PCDHA3: variants seen among roughly 807,000 people sequenced by gnomAD.
PCDHA3 encodes the protein protocadherin alpha 3, also known as protocadherin alpha-3.
A neutral mutation model predicts 62.2 loss-of-function variants in PCDHA3; 41 were observed. The observed-to-expected ratio is 0.66, with a 90% confidence interval of 0.51 to 0.86. PCDHA3 has a LOEUF of 0.86. PCDHA3 is among the 40% of genes least tolerant of loss of function. The pLI is 0.00. For synonymous variants in PCDHA3, 640 were observed against 555.4 expected (o/e 1.15, Z -2.14); for missense variants, 1,304 against 1,241.2 (o/e 1.05, Z -0.76).
At chr5:140,973,782 C>CT (rs1461331270) in intron 1 of PCDHA3, among the ~76,000 whole-genome samples, 7 of 152,208 alleles carry the variant, frequency 4.6e-5, no homozygotes, top group African/African-American at 1.7e-4. Flanking sequence ...TATAGGTTGC[C>CT]TATTGGCATG....
chr5:140,896,214 G>C (rs1265727629), intron 1 of PCDHA3, among the ~76,000 whole-genome samples: 4 of 152,208 alleles, frequency 2.6e-5, no homozygotes, highest in Non-Finnish European at 5.9e-5. Context: ...ACACATACAT[G>C]TGTCTTTATA....
chr5:140,989,533 T>A (rs114286041), intron 3 of PCDHA3, among the ~76,000 whole-genome samples: 1 of 152,158 alleles, frequency 6.6e-6, no homozygotes, highest in Non-Finnish European at 1.5e-5. Context: ...AGGAGGAAGA[T>A]AGTTTGTAAT....
At chr5:140,815,792 G>A (rs1320441539) in intron 1 of PCDHA3, 1 of 152,094 alleles carries the variant, frequency 6.6e-6, no homozygotes, top group African/African-American at 2.4e-5. Context: ...TTCAGCTTTT[G>A]TTTAACTGGG....
At chr5:140,876,164 C>G in intron 1 of PCDHA3, 5 of 1,613,950 alleles carry the variant, frequency 3.1e-6, no homozygotes, top group Non-Finnish European at 4.2e-6. Context: ...ATTCAAATAA[C>G]CGTCCTGGAT....
rs782508103 is a variant in PCDHA3, at chr5:140,856,192, G to T, written c.2394+52601G>T. ...ACGGCACCTTCGTGGGCCGCATCGCGCAGGACCTGGGGCTGGAGCTGGCGG... is the reference window on the plus strand; with the variant it reads ...ACGGCACCTTCGTGGGCCGCATCGCTCAGGACCTGGGGCTGGAGCTGGCGG... On this transcript the variant is annotated intron_variant, in intron 1 of 3. Coordinates refer to ENST00000522353, the MANE Select transcript of PCDHA3 (RefSeq NM_018906.3). The T allele has an allele frequency of 3.7e-5, 59 of 1,598,180 alleles. 4 individuals carry two copies. Among genetic ancestry groups the T allele is most frequent in the South Asian group, 2.8e-4 (25 of 90,510 alleles).
At position 140,843,072 on chromosome 5, in the gene PCDHA3, C is replaced by G. The variant is rs2150351828; in HGVS notation, c.2394+39481C>G. 29 of 1,595,290 alleles carry G rather than the reference C, an allele frequency of 1.8e-5. 2 individuals carry two copies. Among genetic ancestry groups the G allele is most frequent in the Middle Eastern group, 1.7e-4 (1 of 5,908 alleles). On this transcript the variant is annotated intron_variant, in intron 1 of 3. Transcript: ENST00000522353. ...GCAGCGAGCAAGCTGGTGCCGCGGTCTGTGGGCGCGGGCCACGTGGTAGCG... is the reference window on the plus strand; with the variant it reads ...GCAGCGAGCAAGCTGGTGCCGCGGTGTGTGGGCGCGGGCCACGTGGTAGCG...
intron 1 of PCDHA3, chr5:140,862,055 T>A (rs562841635): frequency 6.4e-6 from 1 of 155,712 alleles, no homozygotes; most frequent in East Asian, 1.9e-4. Context: ...ATTGTTTCTT[T>A]GCAACTGATG....
intron 1 of PCDHA3, chr5:140,862,831 G>C (rs782083560): frequency 1.0e-5 from 6 of 572,658 alleles, no homozygotes; most frequent in African/African-American, 7.9e-5. Flanking sequence ...AGCGCGCGAC[G>C]CGGGCATGCC....
Position 141,009,803 on chromosome 5 carries a change from C to G in PCDHA3, c.2719C>G (p.Gln907Glu). 6.2e-7 allele frequency: 1 copy of G among 1,613,968 alleles called. No individual in the cohort carries two copies. The highest frequency in any genetic ancestry group is 8.5e-7 in the Non-Finnish European group (1 of 1,179,994). ...CATCCGGCAGGAGCCTACTAACAGC[C>G]AAATTGACAAAAGTGACTTCATAAC... ...ISIRQEPTNS[Q>E]IDKSDFITFG... Residue 907 changes from glutamine to glutamate, a missense_variant, in exon 4 of 4, where the codon CAA (glutamine) becomes GAA (glutamate). Physicochemically the swap from Gln to Glu is conservative, Grantham distance 29 (BLOSUM62 2). Coordinates refer to ENST00000522353, the MANE Select transcript of PCDHA3 (RefSeq NM_018906.3).
At chr5:140,960,148 T>C (rs782110022) in intron 1 of PCDHA3, among the ~76,000 whole-genome samples, 16 of 152,198 alleles carry the variant, frequency 1.1e-4, no homozygotes, top group Admixed American at 4.6e-4. Context: ...ATTAATAGCT[T>C]GAGACTGATA....
chr5:140,933,666 T>C (rs1334972770), intron 1 of PCDHA3, among the ~76,000 whole-genome samples: 3 of 152,046 alleles, frequency 2.0e-5, no homozygotes, highest in Non-Finnish European at 4.4e-5. Context: ...TCTCTCTCTG[T>C]CTCTCTCACA....
chr5:140,820,316 T>C (rs1554127824), intron 1 of PCDHA3, among the ~76,000 whole-genome samples: 1 of 152,012 alleles, frequency 6.6e-6, no homozygotes, highest in African/African-American at 2.4e-5. Flanking sequence ...ATATCTTGTT[T>C]CTTTACAAGT....
chr5:140,951,149 T>C (rs911841540), intron 1 of PCDHA3, among the ~76,000 whole-genome samples: 8 of 100,620 alleles, frequency 8.0e-5, no homozygotes, highest in African/African-American at 3.8e-4. Context: ...TCTTATTGAA[T>C]ATAGTTATAG....
At chr5:140,925,479 A>G (rs2082513030) in intron 1 of PCDHA3, among the ~76,000 whole-genome samples, 1 of 152,116 alleles carries the variant, frequency 6.6e-6, no homozygotes. Context: ...TGTTTCTCAT[A>G]GAACTGATCA....
chr5:140,856,441 G>T, intron 1 of PCDHA3: 1 of 1,598,410 alleles, frequency 6.3e-7, no homozygotes, highest in East Asian at 2.2e-5. Flanking sequence ...ACCCGCCCAG[G>T]TTCTCCGTAA....
intron 1 of PCDHA3, among the ~76,000 whole-genome samples, chr5:140,943,353 G>A (rs2093481887): frequency 6.6e-6 from 1 of 151,602 alleles, no homozygotes; most frequent in Non-Finnish European, 1.5e-5. Flanking sequence ...TGAGAGTAGA[G>A]GAAAGGAGAT....
At chr5:140,837,632 C>CTTT (rs1562365662) in intron 1 of PCDHA3, among the ~76,000 whole-genome samples, 8 of 151,106 alleles carry the variant, frequency 5.3e-5, no homozygotes, top group Admixed American at 1.3e-4. Context: ...TTCCTTCCTT[C>CTTT]CTTTCTTTCT....
chr5:140,882,577 C>G, intron 1 of PCDHA3: 3 of 1,614,238 alleles, frequency 1.9e-6, no homozygotes, highest in Non-Finnish European at 2.5e-6. Flanking sequence ...CGGAGTGCAG[C>G]ATCCACCTGG....
At chr5:140,857,346 C>T (rs782309251) in intron 1 of PCDHA3, 1 of 1,598,444 alleles carries the variant, frequency 6.3e-7, no homozygotes, top group South Asian at 1.1e-5. Flanking sequence ...GGCTCGCCTC[C>T]GCTGTGGGCC....
Sources: allele counts gnomAD v4.1 joint callset (sites outside exome capture counted in the v4.1 genomes callset), GRCh38; gene constraint gnomAD v4.1.1; transcripts MANE v1.5; gene names NCBI Gene and HGNC (gene_info 2026-07-23, HGNC 2026-07-21).